HPSE2: variants seen among roughly 807,000 people sequenced by gnomAD.
HPSE2 encodes heparanase 2 (inactive), also known as inactive heparanase-2.
HPSE2 carries 38 observed loss-of-function variants against 60.5 expected under a neutral mutation model. That is an observed-to-expected ratio of 0.63 (90% confidence interval 0.48 to 0.82). The LOEUF (loss-of-function observed/expected upper bound fraction) is 0.82, where lower values mean the gene tolerates loss of function less well. Among genes scored for constraint, HPSE2 ranks in the 40% least tolerant of loss-of-function variants. The pLI is 0.00. For missense variants in HPSE2, 713 were observed against 740.4 expected (o/e 0.96, Z 0.43); for synonymous variants, 295 against 293.2 (o/e 1.01, Z -0.06).
chr10:99,242,294 G>A, the HPSE2 span, among the ~76,000 whole-genome samples: 2 of 151,994 alleles, frequency 1.3e-5, no homozygotes, highest in African/African-American at 4.8e-5. Flanking sequence ...TAATATCCCT[G>A]GGAAAAAAAT....
intron 3 of HPSE2, among the ~76,000 whole-genome samples, chr10:98,864,997 A>C (rs1564619480): frequency 6.6e-6 from 1 of 152,140 alleles, no homozygotes; most frequent in Non-Finnish European, 1.5e-5. Context: ...ATGATATGTA[A>C]TTATGTCAAG....
intron 9 of HPSE2, among the ~76,000 whole-genome samples, chr10:98,550,574 T>C (rs1052591666): frequency 2.6e-5 from 4 of 151,600 alleles, no homozygotes; most frequent in African/African-American, 9.7e-5. Flanking sequence ...GTTCATGCCA[T>C]TCTCCTGCCT....
intron 7 of HPSE2, among the ~76,000 whole-genome samples, chr10:98,632,117 C>T (rs1946380498): frequency 6.6e-6 from 1 of 152,110 alleles, no homozygotes; most frequent in South Asian, 2.1e-4. Context: ...AGTGCTGGTT[C>T]TAGAGTCAGA....
rs1456823738 is a variant in HPSE2 at position 98,941,867 on chromosome 10, G to A, written c.611-197811C>T. 1.3e-4 allele frequency among the ~76,000 whole-genome samples: 18 copies of A among 140,922 alleles called. 1 individual carries two copies. The highest frequency in any genetic ancestry group is 2.7e-4 in the Non-Finnish European group (18 of 66,184). 92.5% of individuals were successfully genotyped at this position (140,922 alleles called of 152,430 possible). A position where few individuals can be genotyped will look rare whatever the true frequency, so the allele number is the denominator to read the frequency against. ...ACAGTAACCAAAACAGCATGGTACT[G>A]GTACCAAAACAGAGATATAGATCAA... On this transcript the variant is annotated intron_variant, in intron 3 of 11. Transcript: ENST00000370552.
chr10:99,219,366 G>A (rs1182850432), intron 2 of HPSE2, among the ~76,000 whole-genome samples: 1 of 152,114 alleles, frequency 6.6e-6, no homozygotes, highest in African/African-American at 2.4e-5. Context: ...TCAGGAGTCT[G>A]TCAATGAATG....
intron 3 of HPSE2, among the ~76,000 whole-genome samples, chr10:98,948,910 C>A (rs565822635): frequency 1.1e-3 from 168 of 152,018 alleles, no homozygotes; most frequent in Non-Finnish European, 2.1e-3. Context: ...TAAGAATATA[C>A]AATATAATAA....
At chr10:99,284,973 G>A in the HPSE2 span, among the ~76,000 whole-genome samples, 130,259 of 152,172 alleles carry the variant, frequency 0.86, 56,114 homozygotes, top group African/African-American at 0.92. Context: ...TTAAGTAATT[G>A]GGGTTTACTA....
At chr10:98,854,465 T>C (rs1399168475) in intron 3 of HPSE2, among the ~76,000 whole-genome samples, 2 of 152,206 alleles carry the variant, frequency 1.3e-5, no homozygotes, top group South Asian at 4.1e-4. Flanking sequence ...CTTTTCAACT[T>C]CTCATTTAGG....
At chr10:99,280,417 T>C in the HPSE2 span, among the ~76,000 whole-genome samples, 1 of 152,328 alleles carries the variant, frequency 6.6e-6, no homozygotes, top group African/African-American at 2.4e-5. Context: ...ATGCCTCAAA[T>C]GTACCCAGTT....
intron 2 of HPSE2, among the ~76,000 whole-genome samples, chr10:99,174,429 G>A (rs1016007820): frequency 4.6e-5 from 7 of 152,176 alleles, no homozygotes; most frequent in African/African-American, 1.7e-4. Flanking sequence ...CCATATAGGA[G>A]ATGTATCGTC....
In HPSE2 at chr10:98,867,839, T is replaced by G. The variant is rs553741579; in HGVS notation, c.611-123783A>C. Among the ~76,000 whole-genome samples the G allele has an allele frequency of 2.0e-5, 3 of 152,094 alleles. No homozygotes were observed. The South Asian group carries it at 6.2e-4, about 32-fold the overall frequency. On this transcript the variant is annotated intron_variant, in intron 3 of 11. Coordinates refer to ENST00000370552, the MANE Select transcript of HPSE2 (RefSeq NM_021828.5). ...CTTTGGGAGGCCAAGGCAGGCCAACTACCTGAGGTCAGGAGTTCAAAACCA... is the reference window on the plus strand; with the variant it reads ...CTTTGGGAGGCCAAGGCAGGCCAACGACCTGAGGTCAGGAGTTCAAAACCA...
At chr10:98,766,018 A>G (rs1950112096) in intron 3 of HPSE2, among the ~76,000 whole-genome samples, 1 of 152,188 alleles carries the variant, frequency 6.6e-6, no homozygotes, top group African/African-American at 2.4e-5. Context: ...AAAGATCAGT[A>G]AAATTGATAA....
chr10:98,973,227 C>T (rs1346229825), intron 3 of HPSE2, among the ~76,000 whole-genome samples: 1 of 152,108 alleles, frequency 6.6e-6, no homozygotes, highest in Non-Finnish European at 1.5e-5. Context: ...TAACCCTTTC[C>T]AAGAAAGCCA....
At chr10:98,579,642 T>A (rs974383950) in intron 9 of HPSE2, among the ~76,000 whole-genome samples, 3 of 152,224 alleles carry the variant, frequency 2.0e-5, no homozygotes, top group Non-Finnish European at 2.9e-5. Context: ...TTTCCAAGGC[T>A]GATAATATTT....
At chr10:98,799,420 C>T (rs571535661) in intron 3 of HPSE2, among the ~76,000 whole-genome samples, 23 of 152,196 alleles carry the variant, frequency 1.5e-4, no homozygotes, top group African/African-American at 3.9e-4. Context: ...ACTTCATCTG[C>T]GCTATAGAAC....
At chr10:98,501,902 A>G (rs769721805) in intron 9 of HPSE2, among the ~76,000 whole-genome samples, 1 of 152,184 alleles carries the variant, frequency 6.6e-6, no homozygotes, top group Non-Finnish European at 1.5e-5. Context: ...ATACACCAAC[A>G]GCAACCAAGT....
chr10:99,168,916 C>T (rs376871730), intron 2 of HPSE2, among the ~76,000 whole-genome samples: 1 of 152,094 alleles, frequency 6.6e-6, no homozygotes, highest in Non-Finnish European at 1.5e-5. Flanking sequence ...CTGACCTGGC[C>T]GGGCATGGTG....
chr10:99,204,503 A>T (rs1848678670), intron 2 of HPSE2, among the ~76,000 whole-genome samples: 1 of 152,250 alleles, frequency 6.6e-6, no homozygotes, highest in African/African-American at 2.4e-5. Context: ...AAACATGAAA[A>T]AAACCTAGGA....
intron 3 of HPSE2, among the ~76,000 whole-genome samples, chr10:98,767,864 G>A (rs6584221): frequency 0.69 from 101,236 of 145,692 alleles, 36,187 homozygotes; most frequent in Non-Finnish European, 0.8. Flanking sequence ...AAAGACATAT[G>A]TTCTATATAA....
Sources: allele counts gnomAD v4.1 joint callset (sites outside exome capture counted in the v4.1 genomes callset), GRCh38; gene constraint gnomAD v4.1.1; transcripts MANE v1.5; gene names NCBI Gene and HGNC (gene_info 2026-07-23, HGNC 2026-07-21).